The following UBE2G1 variants were observed in gnomAD, a reference collection of about 807,000 sequenced individuals.
The protein encoded by UBE2G1 is ubiquitin conjugating enzyme E2 G1.
Under a neutral mutation model 22.7 loss-of-function variants are expected in UBE2G1, and 5 were observed. That is an observed-to-expected ratio of 0.22 (90% CI 0.12 to 0.46). The LOEUF (loss-of-function observed/expected upper bound fraction) is 0.46. Among genes scored for constraint, UBE2G1 ranks in the 20% least tolerant of loss-of-function variants. UBE2G1 has a pLI of 0.99. For synonymous variants in UBE2G1, 74 were observed against 67.5 expected (o/e 1.10, Z -0.47); for missense variants, 88 against 203.9 (o/e 0.43, Z 3.46).
intron 1 of UBE2G1, among the ~76,000 whole-genome samples, chr17:4,354,177 C>T (rs1016294979): frequency 1.2e-4 from 18 of 152,172 alleles, no homozygotes; most frequent in African/African-American, 4.3e-4. Context: ...AGGTCAAGCA[C>T]AAGTGCCATG....
chr17:4,328,538 GATAAA>G (rs1164997609), intron 1 of UBE2G1, among the ~76,000 whole-genome samples: 2 of 152,138 alleles, frequency 1.3e-5, no homozygotes, highest in Non-Finnish European at 2.9e-5. Flanking sequence ...AGGAGAAGGC[GATAAA>G]ATAAGAGGAT....
intron 1 of UBE2G1, among the ~76,000 whole-genome samples, chr17:4,332,864 C>T (rs182388330): frequency 3.0e-4 from 45 of 152,214 alleles, no homozygotes; most frequent in African/African-American, 1.1e-3. Flanking sequence ...AACCCCACCC[C>T]CTTACACACT....
intron 1 of UBE2G1, among the ~76,000 whole-genome samples, chr17:4,344,189 T>A (rs1355514494): frequency 6.6e-6 from 1 of 152,160 alleles, no homozygotes; most frequent in Non-Finnish European, 1.5e-5. Flanking sequence ...AGTTAAGTAC[T>A]TAGAGCTGTT....
intron 1 of UBE2G1, among the ~76,000 whole-genome samples, chr17:4,365,242 AG>A (rs1326269029): frequency 2.0e-5 from 3 of 152,346 alleles, no homozygotes; most frequent in East Asian, 3.9e-4. Context: ...GTTGTACAGC[AG>A]GGGTAAGTGC....
chr17:4,304,621 A>T (rs1226638670), intron 2 of UBE2G1, among the ~76,000 whole-genome samples: 2 of 152,188 alleles, frequency 1.3e-5, no homozygotes, highest in Non-Finnish European at 2.9e-5. Context: ...TCTAGTGACT[A>T]CATGAGGGCT....
intron 1 of UBE2G1, among the ~76,000 whole-genome samples, chr17:4,357,007 C>T (rs1290864740): frequency 6.6e-6 from 1 of 152,080 alleles, no homozygotes; most frequent in Non-Finnish European, 1.5e-5. Flanking sequence ...AACTCTAGCA[C>T]AATATCAAAC....
Position 4,278,164 on chromosome 17 carries a change from T to C in UBE2G1, c.*37+4634A>G, listed in dbSNP as rs894966068. Among the ~76,000 whole-genome samples, 12 of 152,386 alleles carry C rather than the reference T, an allele frequency of 7.9e-5. No individual in the cohort carries two copies. In the East Asian group the frequency reaches 2.3e-3, roughly 29 times the overall value. On this transcript the variant is annotated intron_variant, in intron 5 of 5. Transcript: ENST00000396981. ...ATCCACCCATCTTGGCCTCCCAAAG[T>C]GCTGGGCTTACATGCATGCGCCACC...
At chr17:4,275,906 T>C (rs548970284) in intron 5 of UBE2G1, among the ~76,000 whole-genome samples, 1 of 152,326 alleles carries the variant, frequency 6.6e-6, no homozygotes, top group South Asian at 2.1e-4. Context: ...TCTTCTACCA[T>C]GAGATTGGTG....
intron 1 of UBE2G1, among the ~76,000 whole-genome samples, chr17:4,334,010 C>T (rs1298113703): frequency 1.3e-5 from 2 of 151,754 alleles, no homozygotes; most frequent in African/African-American, 4.8e-5. Flanking sequence ...GAGAAAATCA[C>T]ATAGCAGGTC....
At chr17:4,302,845 G>A (rs370887076) in intron 2 of UBE2G1, 1 of 169,726 alleles carries the variant, frequency 5.9e-6, no homozygotes, top group African/African-American at 2.4e-5. Context: ...CTATTTCAAA[G>A]TGTATTTGTG....
At chr17:4,275,942 C>T (rs1209680657) in intron 5 of UBE2G1, among the ~76,000 whole-genome samples, 1 of 152,178 alleles carries the variant, frequency 6.6e-6, no homozygotes, top group Non-Finnish European at 1.5e-5. Flanking sequence ...AACTTCCTTT[C>T]TGAGCTCTCT....
chr17:4,298,923 T>C (rs769656081), intron 2 of UBE2G1, among the ~76,000 whole-genome samples: 14 of 152,204 alleles, frequency 9.2e-5, no homozygotes, highest in Non-Finnish European at 1.6e-4. Flanking sequence ...GAGACTGGAA[T>C]AGCTGTTGTG....
At chr17:4,313,122 C>G (rs1598190476) in intron 1 of UBE2G1, among the ~76,000 whole-genome samples, 1 of 152,206 alleles carries the variant, frequency 6.6e-6, no homozygotes, top group Non-Finnish European at 1.5e-5. Flanking sequence ...CAAATCCAGA[C>G]AGATTACAGA....
intron 2 of UBE2G1, among the ~76,000 whole-genome samples, chr17:4,305,674 TG>T (rs1407756911): frequency 2.0e-5 from 3 of 152,172 alleles, no homozygotes; most frequent in Non-Finnish European, 4.4e-5. Flanking sequence ...CCTGAGCAGC[TG>T]GGACTACAGG....
At chr17:4,288,769 G>A (rs541193051) in intron 4 of UBE2G1, among the ~76,000 whole-genome samples, 21 of 152,216 alleles carry the variant, frequency 1.4e-4, no homozygotes, top group East Asian at 5.8e-4. Flanking sequence ...GAGAATTTAA[G>A]TGTTCTCACA....
intron 2 of UBE2G1, chr17:4,301,938 T>C (rs1023455174): frequency 3.1e-5 from 15 of 480,926 alleles, no homozygotes; most frequent in African/African-American, 6.0e-5. Context: ...ACACTTAAGA[T>C]TGGGGGTATA....
At chr17:4,314,602 G>C (rs1039913230) in intron 1 of UBE2G1, among the ~76,000 whole-genome samples, 2 of 151,998 alleles carry the variant, frequency 1.3e-5, no homozygotes, top group African/African-American at 4.8e-5. Context: ...GATCAAATGA[G>C]GTTTCTCTCT....
At chr17:4,366,205 G>A (rs1263688016) in intron 1 of UBE2G1, 66 bp downstream of exon 1, 7 of 1,468,314 alleles carry the variant, frequency 4.8e-6, no homozygotes, top group East Asian at 2.9e-5. Context: ...GGGAGGAGAA[G>A]AGGGACTGGG....
At chr17:4,301,905 C>G in intron 2 of UBE2G1, 1 of 492,174 alleles carries the variant, frequency 2.0e-6, no homozygotes, top group Non-Finnish European at 4.1e-6. Context: ...TGGGGTTCTG[C>G]TGGTCACACA....
Sources: allele counts gnomAD v4.1 joint callset (sites outside exome capture counted in the v4.1 genomes callset), GRCh38; gene constraint gnomAD v4.1.1; transcripts MANE v1.5; gene names NCBI Gene and HGNC (gene_info 2026-07-23, HGNC 2026-07-21).